MYOF: variants seen among roughly 807,000 people sequenced by gnomAD.
The protein encoded by MYOF is fer-1-like 3, myoferlin.
In MYOF, 244 loss-of-function variants were observed where a neutral mutation model predicts 284.2. The observed-to-expected ratio is 0.86, with a 90% CI of 0.77 to 0.95. The LOEUF is 0.95. MYOF is among the 40% of genes least tolerant of loss of function. MYOF has a pLI of 0.00. For synonymous variants in MYOF, 904 were observed against 919.7 expected (o/e 0.98, Z 0.31); for missense variants, 2,496 against 2,560.6 (o/e 0.97, Z 0.54).
intron 50 of MYOF, among the ~76,000 whole-genome samples, chr10:93,313,778 G>A (rs1423929232): frequency 6.6e-6 from 1 of 152,214 alleles, no homozygotes; most frequent in Middle Eastern, 3.4e-3. Context: ...GCACACATCC[G>A]TAATCCCAGC....
chr10:93,347,237 G>A (rs1025743938), intron 37 of MYOF, among the ~76,000 whole-genome samples: 3 of 152,208 alleles, frequency 2.0e-5, no homozygotes, highest in Admixed American at 2.0e-4. Context: ...TTTGTAAAGA[G>A]TAAATCAGAG....
In MYOF at chr10:93,329,742, C is replaced by T; in HGVS notation, c.4904G>A (p.Gly1635Glu). Reference sequence around the variant, plus strand: ...GTTTTCCAGATCAATAATTGTTTCTCCTACTTTTTCATCCCGGGTAAAGGT... The same window carrying T: ...GTTTTCCAGATCAATAATTGTTTCTTCTACTTTTTCATCCCGGGTAAAGGT... Reference protein sequence around the residue: ...YDTFTRDEKVGETIIDLENRF... With the variant: ...YDTFTRDEKVEETIIDLENRF... The change falls in exon 44 of 54, where the codon GGA (glycine) becomes GAA (glutamate). Residue 1635 changes from glycine (G) to glutamate (E), a missense_variant. Physicochemically the swap from Gly to Glu is moderately conservative, Grantham distance 98. This residue lies in a region of MYOF where 2,436 missense variants were observed against 2,480.7 expected (regional missense o/e 0.98). Transcript: ENST00000359263. 6.2e-7 allele frequency: 1 copy of T among 1,614,192 alleles called. No homozygotes were observed. Among genetic ancestry groups the T allele is most frequent in the African/African-American group, 1.3e-5 (1 of 75,036 alleles).
At chr10:93,388,296 G>A (rs1164330507) in intron 18 of MYOF, among the ~76,000 whole-genome samples, 1 of 152,176 alleles carries the variant, frequency 6.6e-6, no homozygotes, top group Non-Finnish European at 1.5e-5. Flanking sequence ...CATTTATCTG[G>A]GTTAACTTGG....
At chr10:93,316,960 A>G (rs1000199951) in intron 49 of MYOF, 147 bp from the exon 50 acceptor site, 7 of 619,108 alleles carry the variant, frequency 1.1e-5, no homozygotes, top group African/African-American at 1.1e-4. Context: ...CTATCTGTAC[A>G]GAGAGCAGTC....
chr10:93,439,141 C>T (rs1466684187), intron 3 of MYOF, among the ~76,000 whole-genome samples: 1 of 152,140 alleles, frequency 6.6e-6, no homozygotes, highest in Non-Finnish European at 1.5e-5. Context: ...TTTTCCCAGC[C>T]CCTCCCACCT....
chr10:93,322,728 A>G (rs1447553723), intron 48 of MYOF, among the ~76,000 whole-genome samples: 1 of 152,258 alleles, frequency 6.6e-6, no homozygotes, highest in Non-Finnish European at 1.5e-5. Context: ...TTCTAAGGCT[A>G]GTTATTCAGG....
In MYOF at chr10:93,335,909, C is replaced by T. The variant is rs201963674; in HGVS notation, c.4563+12G>A. ...GTGGATTTTAAACGGGACCAACACA[C>T]ATCTTACTCACCTTAAACTCTCCAA... On this transcript the variant is annotated intron_variant, in intron 41 of 53. Transcript: ENST00000359263. 146 of 1,613,098 alleles carry T rather than the reference C, an allele frequency of 9.1e-5. No homozygotes were observed. In the East Asian group the frequency reaches 2.7e-3, roughly 30 times the overall value.
chr10:93,360,335 C>T (rs979398403), intron 28 of MYOF, among the ~76,000 whole-genome samples: 10 of 152,222 alleles, frequency 6.6e-5, no homozygotes, highest in Middle Eastern at 3.2e-3. Flanking sequence ...ATCCTAGCAT[C>T]GCCACATGTT....
chr10:93,478,562 C>T (rs537803126), intron 1 of MYOF, among the ~76,000 whole-genome samples: 27 of 151,972 alleles, frequency 1.8e-4, no homozygotes, highest in South Asian at 6.3e-4. Flanking sequence ...CACAACTGGG[C>T]GCTCATACCT....
In MYOF at chr10:93,325,895, A is replaced by T; in HGVS notation, c.5202T>A (p.Thr1734=). ...CCACGTGCTCAGGGACCAGCCCCTG[A>T]GTCCTGAGGATGTGAAGAGCAAGCC... ...EERLALHILR[T]QGLVPEHVET... The change falls in exon 46 of 54, where the codon ACT becomes ACA. Residue 1734 remains threonine (T), a synonymous_variant. Transcript: ENST00000359263. 7 of 1,614,096 alleles carry T rather than the reference A, an allele frequency of 4.3e-6. No homozygotes were observed. Among genetic ancestry groups the T allele is most frequent in the Non-Finnish European group, 5.9e-6 (7 of 1,180,022 alleles).
intron 19 of MYOF, among the ~76,000 whole-genome samples, chr10:93,383,344 T>C (rs553576559): frequency 6.6e-6 from 1 of 152,286 alleles, no homozygotes; most frequent in Admixed American, 6.5e-5. Context: ...AACCCTCCAA[T>C]AGGGTTTTGT....
In MYOF at chr10:93,397,419, T is replaced by A. The variant is rs1242264083; in HGVS notation, c.1259A>T (p.Glu420Val). ...TNIIEKNANP[E>V]WNQVVNLQIK... is the part of the protein sequence containing the mutation. Reference sequence around the variant, plus strand: ...CTGAAGATTGACGACCTGATTCCACTCTGGGTTTGCATTTTTCTCAATTAT... The same window carrying A: ...CTGAAGATTGACGACCTGATTCCACACTGGGTTTGCATTTTTCTCAATTAT... The change falls in exon 14 of 54, where the codon GAG (glutamate) becomes GTG (valine). Residue 420 changes from glutamate (E) to valine (V), a missense_variant. By Grantham distance (121) the Glu-to-Val change is moderately radical. Coordinates refer to ENST00000359263, the MANE Select transcript of MYOF (RefSeq NM_013451.4). The A allele has an allele frequency of 2.5e-6, 4 of 1,611,636 alleles. No homozygotes were observed. The South Asian group carries it at 4.4e-5, about 18-fold the overall frequency.
intron 1 of MYOF, among the ~76,000 whole-genome samples, chr10:93,472,909 G>A (rs1053704228): frequency 6.6e-6 from 1 of 152,154 alleles, no homozygotes; most frequent in Non-Finnish European, 1.5e-5. Flanking sequence ...GAAGACATGA[G>A]CACCTGTCAT....
At position 93,389,172 on chromosome 10, in the gene MYOF, T is replaced by G. The variant is rs1383596943; in HGVS notation, c.1457-18A>C. ...TGTGTTTACTGAGAGAGAAACATCA[T>G]CATGAGGTGTTAGGCTTTTAACATT... is the stretch of plus-strand genomic sequence containing the variant. On this transcript the variant is annotated intron_variant, in intron 17 of 53. Coordinates refer to ENST00000359263, the MANE Select transcript of MYOF (RefSeq NM_013451.4). 1.2e-6 allele frequency: 2 copies of G among 1,611,344 alleles called. No individual in the cohort carries two copies. Among genetic ancestry groups the G allele is most frequent in the African/African-American group, 1.3e-5 (1 of 74,910 alleles).
chr10:93,341,850 C>A, intron 38 of MYOF: 1 of 1,114,568 alleles, frequency 9.0e-7, no homozygotes, highest in Non-Finnish European at 1.2e-6. Context: ...AAGAATAATT[C>A]AAGTCTTTAG....
intron 44 of MYOF, 23 bp from the exon 45 acceptor site, chr10:93,328,934 C>G: frequency 1.3e-6 from 2 of 1,574,054 alleles, no homozygotes; most frequent in South Asian, 2.3e-5. Flanking sequence ...TCACGTGGCT[C>G]GGAGTTACGG....
chr10:93,337,707 G>T, intron 40 of MYOF, 108 bp downstream of exon 40: 1 of 842,242 alleles, frequency 1.2e-6, no homozygotes. Flanking sequence ...CCTGGGCCCT[G>T]CTCATTAGCA....
Position 93,431,308 on chromosome 10 carries a change from C to T in MYOF, c.345+100G>A, listed in dbSNP as rs554752238. On this transcript the variant is annotated intron_variant, in intron 4 of 53. Coordinates refer to ENST00000359263, the MANE Select transcript of MYOF (RefSeq NM_013451.4). ...CTGGCCTCCCAAAGTGCTGGGATTA[C>T]AGGTGTGAGCCACCACGCCCGGCCT... The T allele has an allele frequency of 4.3e-5, 40 of 937,812 alleles. 1 individual carries two copies. In the East Asian group the frequency reaches 8.8e-4, roughly 21 times the overall value. 58.1% of individuals were successfully genotyped at this position (937,812 alleles called of 1,614,324 possible). A position where few individuals can be genotyped will look rare whatever the true frequency, so the allele number is the denominator to read the frequency against.
chr10:93,353,872 A>G lies in MYOF; in HGVS notation c.3420T>C (p.His1140=), dbSNP rs767800514. The G allele has an allele frequency of 6.2e-7, 1 of 1,609,928 alleles. No homozygotes were observed. The highest frequency in any genetic ancestry group is 8.5e-7 in the Non-Finnish European group (1 of 1,177,166). The change falls in exon 32 of 54, where the codon CAT becomes CAC. Residue 1140 remains histidine (H), a synonymous_variant. Coordinates refer to ENST00000359263, the MANE Select transcript of MYOF (RefSeq NM_013451.4). ...TGGCTTGATAGACATAGCAGCGCAG[A>G]TGGTAGATGTAGACTCCTAAAAAAA... ...SCNFDRVYIY[H]LRCYVYQARN...
Sources: allele counts gnomAD v4.1 joint callset (sites outside exome capture counted in the v4.1 genomes callset), GRCh38; gene constraint gnomAD v4.1.1; regional missense constraint gnomAD v4.1.1; transcripts MANE v1.5; gene names NCBI Gene and HGNC (gene_info 2026-07-23, HGNC 2026-07-21).